The following NEK9 variants were observed in gnomAD, a reference collection of about 807,000 sequenced individuals.
NEK9 encodes NIMA related kinase 9.
Under a neutral mutation model 123.4 loss-of-function variants are expected in NEK9, and 75 were observed. That is an observed-to-expected ratio of 0.61 (90% CI 0.50 to 0.74). The LOEUF (loss-of-function observed/expected upper bound fraction) is 0.74, where lower values mean the gene tolerates loss of function less well. Among genes scored for constraint, NEK9 ranks in the 30% least tolerant of loss-of-function variants. The pLI, the probability that NEK9 is intolerant of heterozygous loss-of-function variation, is 0.00. For missense variants in NEK9, 952 were observed against 1,214.4 expected (o/e 0.78, Z 3.21); for synonymous variants, 438 against 458.7 (o/e 0.95, Z 0.58).
chr14:75,088,687 C>T, intron 19 of NEK9, 46 bp from the exon 20 acceptor site: 1 of 1,568,780 alleles, frequency 6.4e-7, no homozygotes, highest in African/African-American at 1.4e-5. Context: ...GCAGTATTTG[C>T]TTCCTCCCAA....
At chr14:75,092,027 T>C (rs1894233887) in intron 18 of NEK9, among the ~76,000 whole-genome samples, 1 of 152,194 alleles carries the variant, frequency 6.6e-6, no homozygotes, top group Admixed American at 6.5e-5. Flanking sequence ...TTGCTCAGGC[T>C]GGAGTGCAGT....
intron 13 of NEK9, 42 bp downstream of exon 13, chr14:75,105,908 G>A (rs1169753779): frequency 6.1e-6 from 9 of 1,477,030 alleles, no homozygotes; most frequent in Non-Finnish European, 8.5e-6. Flanking sequence ...GAGTCTGTGC[G>A]ACTTAAGATA....
chr14:75,097,948 G>A (rs901149498), intron 16 of NEK9, among the ~76,000 whole-genome samples: 2 of 152,198 alleles, frequency 1.3e-5, no homozygotes, highest in Admixed American at 6.5e-5. Flanking sequence ...GGAGGTGGCT[G>A]AGGTCCTGCT....
At chr14:75,094,733 T>C (rs959018213) in intron 18 of NEK9, among the ~76,000 whole-genome samples, 6 of 152,092 alleles carry the variant, frequency 3.9e-5, no homozygotes, top group African/African-American at 1.2e-4. Context: ...TGAGCCGAGA[T>C]TGCGCCATTG....
intron 12 of NEK9, 88 bp downstream of exon 12, chr14:75,106,414 G>A (rs1221340695): frequency 1.9e-6 from 2 of 1,045,272 alleles, no homozygotes; most frequent in South Asian, 1.3e-5. Context: ...TTCTCATTTA[G>A]GGGCTGCATG....
intron 19 of NEK9, among the ~76,000 whole-genome samples, chr14:75,090,770 G>A (rs1237958378): frequency 1.3e-5 from 2 of 151,842 alleles, no homozygotes; most frequent in Admixed American, 1.3e-4. Flanking sequence ...ACAAGGTCTT[G>A]CTGTGTTGCC....
In NEK9 at chr14:75,091,273, T is replaced by C. The variant is rs376455914; in HGVS notation, c.2439A>G (p.Arg813=). 2.6e-5 allele frequency: 41 copies of C among 1,606,380 alleles called. No homozygotes were observed. In the South Asian group the frequency reaches 4.0e-4, roughly 16 times the overall value. Reference sequence around the variant, plus strand: ...TTACTTCTTCCAAAGGAATTACCTTTCGAAGCCAGCCAGGACAGGAGCTGC... The same window carrying C: ...TTACTTCTTCCAAAGGAATTACCTTCCGAAGCCAGCCAGGACAGGAGCTGC... The part of the protein sequence containing the change: ...GASSSCPGWL[R]KELENAEFIP... Residue 813 remains arginine (R), a synonymous_variant, in exon 19 of 22, where the codon CGA becomes CGG. Coordinates refer to ENST00000238616, the MANE Select transcript of NEK9 (RefSeq NM_033116.6).
chr14:75,096,914 A>C (rs1894404826), intron 17 of NEK9, 186 bp downstream of exon 17: 1 of 428,284 alleles, frequency 2.3e-6, no homozygotes, highest in African/African-American at 2.0e-5. Context: ...GATGGCAGAT[A>C]GCAAAGCTCC....
At chr14:75,088,278 C>G (rs916481907) in intron 20 of NEK9, among the ~76,000 whole-genome samples, 2 of 152,138 alleles carry the variant, frequency 1.3e-5, no homozygotes, top group African/African-American at 4.8e-5. Context: ...GTTAGCCTGT[C>G]AGAAATGTGG....
intron 18 of NEK9, 53 bp downstream of exon 18, chr14:75,095,319 C>A: frequency 7.4e-7 from 1 of 1,360,514 alleles, no homozygotes; most frequent in South Asian, 1.2e-5. Context: ...TGGAATCTAA[C>A]CAAAAGACCC....
chr14:75,088,638 G>C lies in NEK9; in HGVS notation c.2446C>G (p.Leu816Val), dbSNP rs1299116786. ...SSCPGWLRKE[L>V]ENAEFIPMPD... ...ATGGGGATAAATTCTGCATTTTCCAGCTCCTATGTATATGAGAAAGAATCT... is the reference window on the plus strand; with the variant it reads ...ATGGGGATAAATTCTGCATTTTCCACCTCCTATGTATATGAGAAAGAATCT... The change falls in exon 20 of 22, where the codon CTG becomes GTG. Residue 816 changes from leucine (L) to valine (V), a missense_variant. Around this residue, in one of 4 missense-constraint regions of NEK9, gnomAD observed 698 missense variants for 875.6 expected, o/e 0.80. Transcript: ENST00000238616. 1.4e-5 allele frequency: 23 copies of C among 1,613,156 alleles called. No individual in the cohort carries two copies. Among genetic ancestry groups the C allele is most frequent in the Non-Finnish European group, 1.9e-5 (23 of 1,179,672 alleles).
At chr14:75,090,641 G>C (rs767669122) in intron 19 of NEK9, among the ~76,000 whole-genome samples, 1 of 151,070 alleles carries the variant, frequency 6.6e-6, no homozygotes, top group South Asian at 2.1e-4. Flanking sequence ...GGCACAGCTC[G>C]GCTCACTTCA....
intron 16 of NEK9, among the ~76,000 whole-genome samples, chr14:75,098,522 C>T (rs1024119410): frequency 1.3e-5 from 2 of 152,098 alleles, no homozygotes; most frequent in East Asian, 1.9e-4. Flanking sequence ...TTTAAGGGAA[C>T]AAGCTCACTT....
intron 2 of NEK9, 72 bp downstream of exon 2, chr14:75,123,974 T>C (rs985173516): frequency 1.6e-6 from 2 of 1,281,874 alleles, no homozygotes; most frequent in Non-Finnish European, 2.2e-6. Context: ...TCTCTTCTTA[T>C]ATTCTTCTCC....
Position 75,084,511 on chromosome 14 carries a change from G to A in NEK9, c.*53C>T, listed in dbSNP as rs550528537. On this transcript the variant is annotated 3_prime_UTR_variant, in exon 22 of 22. Coordinates refer to ENST00000238616, the MANE Select transcript of NEK9 (RefSeq NM_033116.6). ...GCTGCTCTCTGCATTCGGTAAGTGT[G>A]CTGTGAAGTTCTTTGGGTCCCAGTC... is the stretch of plus-strand genomic sequence containing the variant. 175 of 1,606,802 alleles carry A rather than the reference G, an allele frequency of 1.1e-4. 3 individuals carry two copies. The South Asian group carries it at 1.8e-3, about 17-fold the overall frequency.
At chr14:75,101,291 C>G (rs1340569293) in intron 15 of NEK9, 138 bp from the exon 16 acceptor site, 1 of 922,796 alleles carries the variant, frequency 1.1e-6, no homozygotes, top group East Asian at 2.6e-5. Flanking sequence ...GATCCTGGAC[C>G]TAGGACAAAT....
chr14:75,089,010 G>A (rs550240808), intron 19 of NEK9, among the ~76,000 whole-genome samples: 5 of 152,318 alleles, frequency 3.3e-5, no homozygotes, highest in African/African-American at 1.2e-4. Context: ...TGCTTCCTCT[G>A]TTCACGCTCC....
chr14:75,100,721 T>C (rs1236723290), intron 16 of NEK9, among the ~76,000 whole-genome samples: 3 of 152,202 alleles, frequency 2.0e-5, no homozygotes, highest in African/African-American at 7.2e-5. Context: ...TATAACATTT[T>C]ACCAAAAAAG....
chr14:75,106,693 T>G lies in NEK9; in HGVS notation c.1337A>C (p.Gln446Pro). The G allele has an allele frequency of 6.2e-7, 1 of 1,610,172 alleles. No homozygotes were observed. The highest frequency in any genetic ancestry group is 2.2e-5 in the East Asian group (1 of 44,810). Reference sequence around the variant, plus strand: ...ATAATCTGATCCGAAGGCATAGAGCTGACCCTCATCTGCAAAAGAAAGGAA... The same window carrying G: ...ATAATCTGATCCGAAGGCATAGAGCGGACCCTCATCTGCAAAAGAAAGGAA... ...DFTVCVTDEG[Q>P]LYAFGSDYYG... Residue 446 changes from glutamine to proline, a missense_variant, in exon 12 of 22, where the codon CAG becomes CCG. Physicochemically the swap from Gln to Pro is moderately conservative, Grantham distance 76. Transcript: ENST00000238616.
Sources: allele counts gnomAD v4.1 joint callset (sites outside exome capture counted in the v4.1 genomes callset), GRCh38; gene constraint gnomAD v4.1.1; regional missense constraint gnomAD v4.1.1; transcripts MANE v1.5; gene names NCBI Gene and HGNC (gene_info 2026-07-23, HGNC 2026-07-21).